Variants in DOP1A observed in about 807,000 individuals in gnomAD.
DOP1A encodes the protein protein DOP1A.
DOP1A carries 90 observed loss-of-function variants against 267.6 expected under a neutral mutation model. The observed-to-expected ratio is 0.34, with a 90% CI of 0.28 to 0.40. The LOEUF (loss-of-function observed/expected upper bound fraction) is 0.40. DOP1A is among the 10% of genes least tolerant of loss of function. DOP1A has a pLI of 1.00. For synonymous variants in DOP1A, 932 were observed against 999.1 expected, an observed-to-expected ratio of 0.93 and a Z score of 1.27; for missense variants, 2,437 against 2,900.4, an observed-to-expected ratio of 0.84 and a Z score of 3.67.
chr6:83,134,450 C>A, intron 19 of DOP1A, 163 bp downstream of exon 19: 1 of 527,210 alleles, frequency 1.9e-6, no homozygotes, highest in Non-Finnish European at 3.2e-6. Context: ...AAATGCATGG[C>A]ATTTTTACTC....
At chr6:83,119,568 T>TG (rs1776025039) in intron 8 of DOP1A, among the ~76,000 whole-genome samples, 180 bp from the exon 9 acceptor site, 1 of 152,096 alleles carries the variant, frequency 6.6e-6, no homozygotes, top group South Asian at 2.1e-4. Flanking sequence ...CTATGATACT[T>TG]ATGTATTGAA....
At position 83,135,802 on chromosome 6, in the gene DOP1A, T is replaced by C; in HGVS notation, c.3054T>C (p.Arg1018=). Residue 1018 remains arginine, a synonymous_variant, in exon 20 of 39, where the codon CGT becomes CGC. Coordinates refer to ENST00000349129, the MANE Select transcript of DOP1A (RefSeq NM_015018.4). ...CAGTACAGCGTGTACAAGCAGAACG[T>C]TATTGGAATAAGTCTCCCTGTTATC... is the stretch of plus-strand genomic sequence containing the variant. ...RVSVQRVQAE[R]YWNKSPCYPG... 1.9e-6 allele frequency: 3 copies of C among 1,613,710 alleles called. No individual in the cohort carries two copies. Among genetic ancestry groups the C allele is most frequent in the Non-Finnish European group, 2.5e-6 (3 of 1,179,722 alleles).
chr6:83,166,216 T>A (rs2128456065), intron 38 of DOP1A: 1 of 509,404 alleles, frequency 2.0e-6, no homozygotes, highest in East Asian at 3.0e-5. Context: ...TTGCTTCAAA[T>A]GCCGAACGAC....
At chr6:83,118,159 T>C (rs1172132431) in intron 7 of DOP1A, among the ~76,000 whole-genome samples, 1 of 152,196 alleles carries the variant, frequency 6.6e-6, no homozygotes, top group African/African-American at 2.4e-5. Flanking sequence ...AATTCTCAGA[T>C]TCCAAGATTA....
chr6:83,119,934 C>A, intron 9 of DOP1A, 77 bp downstream of exon 9: 2 of 1,189,780 alleles, frequency 1.7e-6, no homozygotes, highest in South Asian at 1.5e-5. Context: ...CGAGGTCTTG[C>A]CTTAATTGAA....
At position 83,138,934 on chromosome 6, in the gene DOP1A, C is replaced by A. The variant is rs1472758486; in HGVS notation, c.4892C>A (p.Ala1631Asp). ...ATGACTTCTCTTCAGTATTTGCATG[C>A]TCAGCCAATCACATGTCAAGGCATG... ...QPMTSLQYLH[A>D]QPITCQGMFL... The change falls in exon 21 of 39, where the codon GCT (alanine) becomes GAT (aspartate). Residue 1631 changes from alanine to aspartate, a missense_variant. Transcript: ENST00000349129. 1 of 1,613,946 alleles carries A rather than the reference C, an allele frequency of 6.2e-7. No homozygotes were observed. The highest frequency in any genetic ancestry group is 8.5e-7 in the Non-Finnish European group (1 of 1,179,974).
chr6:83,110,233 C>G lies in DOP1A; in HGVS notation c.600C>G (p.Ile200Met). ...LTSPAVRLPG[I>M]TYVLAHLNRK... Reference sequence around the variant, plus strand: ...GTCCTGCTGTGCGTTTACCTGGAATCACGTATGTTCTTGCCCATTTAAACA... The same window carrying G: ...GTCCTGCTGTGCGTTTACCTGGAATGACGTATGTTCTTGCCCATTTAAACA... The change falls in exon 6 of 39, where the codon ATC becomes ATG. Residue 200 changes from isoleucine (I) to methionine (M), a missense_variant. Ile to Met is a conservative substitution (Grantham distance 10). Coordinates refer to ENST00000349129, the MANE Select transcript of DOP1A (RefSeq NM_015018.4). The G allele has an allele frequency of 6.2e-7, 1 of 1,614,076 alleles. No homozygotes were observed. The highest frequency in any genetic ancestry group is 8.5e-7 in the Non-Finnish European group (1 of 1,179,988).
At chr6:83,153,439 C>A in intron 30 of DOP1A, 72 bp from the exon 31 acceptor site, 1 of 936,380 alleles carries the variant, frequency 1.1e-6, no homozygotes, top group Non-Finnish European at 1.6e-6. Flanking sequence ...TTCTAACAAA[C>A]TGAAAATCAG....
chr6:83,104,011 GAAGA>G (rs1773095805), intron 4 of DOP1A, among the ~76,000 whole-genome samples: 1 of 152,016 alleles, frequency 6.6e-6, no homozygotes, highest in African/African-American at 2.4e-5. Context: ...GCTGTCTTTT[GAAGA>G]AAGTTTTTTT....
At chr6:83,079,657 A>G (rs1164469226) in intron 1 of DOP1A, among the ~76,000 whole-genome samples, 1 of 152,172 alleles carries the variant, frequency 6.6e-6, no homozygotes, top group Admixed American at 6.5e-5. Context: ...TTTTGCAAAT[A>G]ATGATTTGAT....
intron 1 of DOP1A, among the ~76,000 whole-genome samples, chr6:83,092,399 TA>T (rs773790099): frequency 1.3e-5 from 2 of 152,176 alleles, no homozygotes; most frequent in Non-Finnish European, 2.9e-5. Flanking sequence ...CAAATCCTTA[TA>T]TAAAACAAAA....
rs1777683390 is a variant in DOP1A at position 83,129,430 on chromosome 6, C to G, written c.2263C>G (p.Leu755Val). 1.9e-6 allele frequency: 3 copies of G among 1,598,524 alleles called. No homozygotes were observed. The highest frequency in any genetic ancestry group is 2.2e-5 in the East Asian group (1 of 44,818). The change falls in exon 16 of 39, where the codon CTA becomes GTA. Residue 755 changes from leucine (L) to valine (V), a missense_variant. This residue lies in a region of DOP1A where 498 missense variants were observed against 513.5 expected (regional missense o/e 0.97). Coordinates refer to ENST00000349129, the MANE Select transcript of DOP1A (RefSeq NM_015018.4). ...SAFLAACQLF[L>V]ECSSFPVYIA... ...CTTCCTTGCTGCCTGTCAGCTCTTC[C>G]TAGAGTGCTCAAGTTTCCCAGTTTA...
chr6:83,125,384 T>A, intron 14 of DOP1A, 116 bp from the exon 15 acceptor site: 2 of 1,037,816 alleles, frequency 1.9e-6, no homozygotes, highest in Non-Finnish European at 2.8e-6. Context: ...ATTAAGAGCA[T>A]GATGCATATA....
At chr6:83,131,523 C>T (rs986711984) in intron 17 of DOP1A, among the ~76,000 whole-genome samples, 3 of 152,068 alleles carry the variant, frequency 2.0e-5, no homozygotes, top group African/African-American at 4.8e-5. Context: ...TAATATACAA[C>T]CATAAATATT....
At position 83,158,567 on chromosome 6, in the gene DOP1A, G is replaced by T. The variant is rs1253375174; in HGVS notation, c.6742G>T (p.Val2248Leu). 3.8e-6 allele frequency: 6 copies of T among 1,598,800 alleles called. No homozygotes were observed. Among genetic ancestry groups the T allele is most frequent in the Non-Finnish European group, 5.1e-6 (6 of 1,168,604 alleles). The part of the protein sequence containing the change: ...SLWPTMITEL[V>L]QVFLLMEQEL... ...ACATTTAACATTTCACCATTTTCAG[G>T]TACAAGTATTTTTACTGATGGAGCA... is the stretch of plus-strand genomic sequence containing the variant. Residue 2248 changes from valine to leucine, a missense_variant and splice_region_variant, in exon 36 of 39, where the codon GTA becomes TTA. Val to Leu is a conservative substitution (Grantham distance 32). Around this residue, in one of 9 missense-constraint regions of DOP1A, gnomAD observed 75 missense variants for 149.6 expected, o/e 0.50. Transcript: ENST00000349129.
At chr6:83,162,630 T>A (rs982443937) in intron 37 of DOP1A, among the ~76,000 whole-genome samples, 160 bp from the exon 38 acceptor site, 4 of 152,074 alleles carry the variant, frequency 2.6e-5, no homozygotes, top group Non-Finnish European at 5.9e-5. Flanking sequence ...CTCAGAGAGG[T>A]TAAGAAACAT....
chr6:83,167,076 C>G (rs1291794142), intron 38 of DOP1A: 55 of 984,134 alleles, frequency 5.6e-5, no homozygotes, highest in Non-Finnish European at 6.5e-5. Context: ...CCTCTTAATA[C>G]CCAAATTATT....
chr6:83,097,757 G>GT (rs906624188), intron 3 of DOP1A, among the ~76,000 whole-genome samples: 7 of 151,328 alleles, frequency 4.6e-5, no homozygotes, highest in Non-Finnish European at 8.8e-5. Flanking sequence ...CATAGTTAAG[G>GT]TTTTTTTTAA....
chr6:83,093,838 G>A (rs1442886539), intron 1 of DOP1A, among the ~76,000 whole-genome samples: 1 of 152,162 alleles, frequency 6.6e-6, no homozygotes, highest in South Asian at 2.1e-4. Flanking sequence ...CCCAGGAGGC[G>A]GAGATTGCAG....
Sources: allele counts gnomAD v4.1 joint callset (sites outside exome capture counted in the v4.1 genomes callset), GRCh38; gene constraint gnomAD v4.1.1; regional missense constraint gnomAD v4.1.1; transcripts MANE v1.5; gene names NCBI Gene and HGNC (gene_info 2026-07-23, HGNC 2026-07-21).